The following MEFV variants were observed in gnomAD, a reference collection of about 807,000 sequenced individuals.
MEFV encodes pyrin.
MEFV carries 60 observed loss-of-function variants against 62.5 expected under a neutral mutation model. The ratio of observed to expected loss-of-function variants is 0.96; its 90% CI spans 0.78 to 1.19. MEFV has a LOEUF of 1.19. MEFV is among the 50% of genes most tolerant of loss of function. The pLI is 0.00. For synonymous variants in MEFV, 500 were observed against 415.2 expected (o/e 1.20, Z -2.48); for missense variants, 1,169 against 1,004.5 (o/e 1.16, Z -2.21).
rs781469530 is a variant in MEFV at position 3,254,346 on chromosome 16, C to G, written c.722G>C (p.Arg241Thr). ...VYLPSGKMRP[R>T]SLEVTISTGE... is the part of the protein sequence containing the mutation. The stretch of plus-strand genomic sequence containing the variant: ...TGTAGAAATGGTGACCTCAAGGCTT[C>G]TAGGTCGCATCTTTCCCGAGGGCAG... The change falls in exon 2 of 10, where the codon AGA (arginine) becomes ACA (threonine). Residue 241 changes from arginine to threonine, a missense_variant. Transcript: ENST00000219596. 6.2e-7 allele frequency: 1 copy of G among 1,614,144 alleles called. No individual in the cohort carries two copies. Among genetic ancestry groups the G allele is most frequent in the Admixed American group, 1.7e-5 (1 of 60,018 alleles).
intron 4 of MEFV, 57 bp downstream of exon 4, chr16:3,248,852 C>T: frequency 1.2e-6 from 2 of 1,611,688 alleles, no homozygotes; most frequent in Non-Finnish European, 1.7e-6. Context: ...GACCCCTGCT[C>T]ACTCTTCCCA....
At chr16:3,252,693 C>A (rs192633417) in intron 2 of MEFV, among the ~76,000 whole-genome samples, 5 of 151,226 alleles carry the variant, frequency 3.3e-5, no homozygotes, top group African/African-American at 9.7e-5. Flanking sequence ...AATCCTAGCA[C>A]TTTTAGAGGC....
In MEFV at chr16:3,254,734, C is replaced by A; in HGVS notation, c.334G>T (p.Glu112Ter). Residue 112 changes from glutamate (E) to a stop codon, truncating the protein, a stop_gained, in exon 2 of 10, where the codon GAG (glutamate) becomes TAG (stop). Coordinates refer to ENST00000219596, the MANE Select transcript of MEFV (RefSeq NM_000243.3). LOFTEE classifies it high-confidence loss of function. ...GTCTTCAGGCTCCTGGGCTTGTTCTCCCCCAGGGAGCTGGACGCTGCGGAA... is the reference window on the plus strand; with the variant it reads ...GTCTTCAGGCTCCTGGGCTTGTTCTACCCCAGGGAGCTGGACGCTGCGGAA... ...DDSAASSSLGENKPRSLKTPD... is the reference protein window; with the variant it reads ...DDSAASSSLG 1 of 1,612,788 alleles carries A rather than the reference C, an allele frequency of 6.2e-7. No homozygotes were observed. Among genetic ancestry groups the A allele is most frequent in the South Asian group, 1.1e-5 (1 of 91,090 alleles).
At position 3,243,555 on chromosome 16, in the gene MEFV, G is replaced by C; in HGVS notation, c.1932C>G (p.Gly644=). 1.9e-6 allele frequency: 3 copies of C among 1,612,312 alleles called. No homozygotes were observed. Among genetic ancestry groups the C allele is most frequent in the Non-Finnish European group, 2.5e-6 (3 of 1,179,076 alleles). ...GGCGGCCAGAGAGGAAACTCGGAGAGCCCAGAACAATGATACAGCTGTCAA... is the reference window on the plus strand; with the variant it reads ...GGCGGCCAGAGAGGAAACTCGGAGACCCCAGAACAATGATACAGCTGTCAA... ...QRFDSCIIVL[G]SPSFLSGRRY... The change falls in exon 10 of 10, where the codon GGC becomes GGG. Residue 644 remains glycine, a synonymous_variant. Coordinates refer to ENST00000219596, the MANE Select transcript of MEFV (RefSeq NM_000243.3).
chr16:3,246,427 G>C (rs1323017381), intron 6 of MEFV, 98 bp downstream of exon 6: 1 of 1,401,426 alleles, frequency 7.1e-7, no homozygotes, highest in African/African-American at 1.4e-5. Context: ...ACAGACCCCG[G>C]GGTTGGGAAC....
In MEFV at chr16:3,244,578, CTG is replaced by C. The variant is rs1958911254; in HGVS notation, c.1619_1620del (p.Thr540SerfsTer5). On this transcript the variant is annotated frameshift_variant, in exon 7 of 10. Transcript: ENST00000219596. LOFTEE classifies it high-confidence loss of function. ...DIGDILHRAK[T>X]VPVPEKWTTP... ...GTGGTCCACTTTTCAGGGACAGGCA[CTG>C]TCTTAGCCCTAGAGACAAAAGACTG... 1 of 1,613,658 alleles carries C rather than the reference CTG, an allele frequency of 6.2e-7. No homozygotes were observed. Among genetic ancestry groups the C allele is most frequent in the Non-Finnish European group, 8.5e-7 (1 of 1,179,708 alleles).
intron 8 of MEFV, 105 bp downstream of exon 8, chr16:3,244,149 G>A: frequency 2.6e-6 from 4 of 1,539,672 alleles, no homozygotes; most frequent in Non-Finnish European, 3.5e-6. Flanking sequence ...TGCTCCAGGT[G>A]TTTGGTTTTT....
chr16:3,255,298 C>T (rs1959100877), intron 1 of MEFV, among the ~76,000 whole-genome samples: 2 of 152,106 alleles, frequency 1.3e-5, no homozygotes, highest in South Asian at 4.1e-4. Context: ...GCCTGAGTGA[C>T]AGAGCAAGAC....
At chr16:3,245,301 A>G (rs1958923981) in intron 6 of MEFV, among the ~76,000 whole-genome samples, 1 of 150,868 alleles carries the variant, frequency 6.6e-6, no homozygotes, top group African/African-American at 2.4e-5. Context: ...GAAGAAAAGA[A>G]AGGAAGGAAG....
In MEFV at chr16:3,247,084, C is replaced by A; in HGVS notation, c.1519G>T (p.Ala507Ser). 6.2e-7 allele frequency: 1 copy of A among 1,614,198 alleles called. No individual in the cohort carries two copies. Residue 507 changes from alanine (A) to serine (S), a missense_variant, in exon 5 of 10, where the codon GCC becomes TCC. Coordinates refer to ENST00000219596, the MANE Select transcript of MEFV (RefSeq NM_000243.3). ...AYDTRVSQDI[A>S]LLDALIGELE... ...TCCCCAATCAGCGCATCGAGCAGGG[C>A]GATGTCCTGGGATACGCGGGTGTCA...
At chr16:3,250,896 C>T (rs1316463221) in intron 2 of MEFV, among the ~76,000 whole-genome samples, 1 of 151,390 alleles carries the variant, frequency 6.6e-6, no homozygotes, top group Non-Finnish European at 1.5e-5. Context: ...TGGTGGTGGG[C>T]ACCTGTAATC....
chr16:3,246,639 C>G (rs1377961132), intron 5 of MEFV, 92 bp from the exon 6 acceptor site: 1 of 1,388,868 alleles, frequency 7.2e-7, no homozygotes, highest in African/African-American at 1.4e-5. Context: ...GGACTTTTAG[C>G]TCCCCGCTGC....
At chr16:3,251,610 A>C (rs983067053) in intron 2 of MEFV, among the ~76,000 whole-genome samples, 6 of 152,134 alleles carry the variant, frequency 3.9e-5, no homozygotes, top group African/African-American at 1.5e-4. Context: ...CCTCAGCAGT[A>C]GATAGTTAGG....
intron 1 of MEFV, 22 bp downstream of exon 1, chr16:3,256,289 G>T: frequency 6.2e-7 from 1 of 1,611,938 alleles, no homozygotes. Flanking sequence ...ACTGGATGAG[G>T]AGGAGGCCTG....
In MEFV at chr16:3,247,079, C is replaced by A; in HGVS notation, c.1524G>T (p.Leu508=). 1 of 1,614,190 alleles carries A rather than the reference C, an allele frequency of 6.2e-7. No homozygotes were observed. Among genetic ancestry groups the A allele is most frequent in the Non-Finnish European group, 8.5e-7 (1 of 1,180,030 alleles). ...YDTRVSQDIA[L]LDALIGELEA... ...CCAGTTCCCCAATCAGCGCATCGAG[C>A]AGGGCGATGTCCTGGGATACGCGGG... The change falls in exon 5 of 10, where the codon CTG becomes CTT. Residue 508 remains leucine (L), a synonymous_variant. Transcript: ENST00000219596.
rs1461440868 is a variant in MEFV at position 3,242,236 on chromosome 16, C to T, written c.*905G>A. 2 of 221,822 alleles carry T rather than the reference C, an allele frequency of 9.0e-6. No homozygotes were observed. The highest frequency in any genetic ancestry group is 3.9e-5 in the South Asian group (1 of 25,824). The allele number at this position is 221,822 out of a possible 1,614,324, so 13.7% of individuals were successfully genotyped here. On this transcript the variant is annotated 3_prime_UTR_variant, in exon 10 of 10. Transcript: ENST00000219596. The stretch of plus-strand genomic sequence containing the variant: ...AAAATTAGCCGGGCATGGTGGCGGG[C>T]GCCTGTAATCCCAGCTACTTCGGAG...
chr16:3,247,366 C>T (rs1596353014), intron 4 of MEFV, 120 bp from the exon 5 acceptor site: 4 of 763,074 alleles, frequency 5.2e-6, no homozygotes, highest in African/African-American at 1.7e-5. Flanking sequence ...GCTGCCTCTT[C>T]AAGGCCTAGA....
chr16:3,249,902 C>T, intron 2 of MEFV, 122 bp from the exon 3 acceptor site: 1 of 820,946 alleles, frequency 1.2e-6, no homozygotes, highest in Non-Finnish European at 2.0e-6. Context: ...TTAGACTCTG[C>T]CCACTTCCTA....
intron 4 of MEFV, chr16:3,248,689 GA>G: frequency 7.2e-7 from 1 of 1,389,466 alleles, no homozygotes; most frequent in Non-Finnish European, 9.4e-7. Flanking sequence ...GTGAGTATGA[GA>G]AAGCATGACA....
Sources: allele counts gnomAD v4.1 joint callset (sites outside exome capture counted in the v4.1 genomes callset), GRCh38; gene constraint gnomAD v4.1.1; transcripts MANE v1.5; gene names NCBI Gene and HGNC (gene_info 2026-07-23, HGNC 2026-07-21).